Variants in SLC8A1 observed in about 807,000 individuals in gnomAD.
SLC8A1 encodes solute carrier family 8 member A1, also known as sodium/calcium exchanger 1.
A neutral mutation model predicts 68.3 loss-of-function variants in SLC8A1; 18 were observed. That is an observed-to-expected ratio of 0.26 (90% CI 0.18 to 0.39). The LOEUF (loss-of-function observed/expected upper bound fraction) is 0.39. SLC8A1 is among the 10% of genes least tolerant of loss of function. The probability of loss-of-function intolerance (pLI) is 1.00; values close to 1 mark genes in which losing one functional copy is unlikely to be tolerated. For synonymous variants in SLC8A1, 475 were observed against 415.5 expected (o/e 1.14, Z -1.74); for missense variants, 985 against 1,156.7 (o/e 0.85, Z 2.15).
At chr2:40,338,739 C>T (rs1008051355) in intron 2 of SLC8A1, among the ~76,000 whole-genome samples, 4 of 152,120 alleles carry the variant, frequency 2.6e-5, no homozygotes, top group African/African-American at 9.7e-5. Flanking sequence ...AATTATCTTC[C>T]ATAATTGGAT....
chr2:40,394,476 G>C (rs1165223394), intron 2 of SLC8A1, among the ~76,000 whole-genome samples: 1 of 151,834 alleles, frequency 6.6e-6, no homozygotes, highest in African/African-American at 2.4e-5. Flanking sequence ...TGGTGTGTGA[G>C]TGAATTTCTG....
chr2:40,144,405 C>T (rs942227215), intron 6 of SLC8A1, among the ~76,000 whole-genome samples: 2 of 152,102 alleles, frequency 1.3e-5, no homozygotes, highest in African/African-American at 4.8e-5. Flanking sequence ...TAATCTCACA[C>T]AGAATTTAAG....
intron 2 of SLC8A1, among the ~76,000 whole-genome samples, chr2:40,417,904 G>A (rs573905857): frequency 3.6e-4 from 37 of 103,058 alleles, no homozygotes; most frequent in East Asian, 2.6e-3. Flanking sequence ...CAAGGTAAAC[G>A]CACAGAGTCA....
chr2:40,410,995 G>C (rs1691962528), intron 2 of SLC8A1, among the ~76,000 whole-genome samples: 2 of 152,078 alleles, frequency 1.3e-5, no homozygotes, highest in East Asian at 3.9e-4. Context: ...ACAGCTGCAG[G>C]CTTGATAAAT....
At position 40,170,468 on chromosome 2, in the gene SLC8A1, G is replaced by A. The variant is rs2047279146; in HGVS notation, c.1930+4357C>T. 6.1e-6 allele frequency: 5 copies of A among 823,996 alleles called. No individual in the cohort carries two copies. The South Asian group carries it at 6.3e-5, about 10-fold the overall frequency. The allele number at this position is 823,996 out of a possible 1,614,324, so 51.0% of individuals were successfully genotyped here. A position where few individuals can be genotyped will look rare whatever the true frequency, so the allele number is the denominator to read the frequency against. ...GATGCACACATCACAAGCAACGTTAGTTTGGGGATTCAATGATCATAGGTC... is the reference window on the plus strand; with the variant it reads ...GATGCACACATCACAAGCAACGTTAATTTGGGGATTCAATGATCATAGGTC... On this transcript the variant is annotated intron_variant, in intron 4 of 7. Transcript: ENST00000406785.
intron 2 of SLC8A1, among the ~76,000 whole-genome samples, chr2:40,280,964 A>T (rs1410984415): frequency 1.3e-5 from 2 of 152,222 alleles, no homozygotes; most frequent in Non-Finnish European, 2.9e-5. Context: ...GAATAGAATG[A>T]ATTTTTATTG....
intron 1 of SLC8A1, among the ~76,000 whole-genome samples, chr2:40,481,215 G>A (rs1704607576): frequency 6.6e-6 from 1 of 152,104 alleles, no homozygotes; most frequent in African/African-American, 2.4e-5. Flanking sequence ...AGGGAGGAAT[G>A]GATATAAAAA....
At chr2:40,385,244 G>T (rs1396724508) in intron 2 of SLC8A1, among the ~76,000 whole-genome samples, 2 of 152,124 alleles carry the variant, frequency 1.3e-5, no homozygotes, top group African/African-American at 2.4e-5. Context: ...TCTCGAGGAG[G>T]AAACTCCTTT....
At chr2:40,257,557 C>G (rs566666409) in intron 2 of SLC8A1, among the ~76,000 whole-genome samples, 2 of 152,172 alleles carry the variant, frequency 1.3e-5, no homozygotes, top group East Asian at 1.9e-4. Flanking sequence ...GCCACTATAT[C>G]CAAGAGCGTA....
At chr2:40,267,657 T>G (rs889553251) in intron 2 of SLC8A1, among the ~76,000 whole-genome samples, 1 of 152,216 alleles carries the variant, frequency 6.6e-6, no homozygotes, top group East Asian at 1.9e-4. Context: ...AATTATAGAT[T>G]CTGTCATTTA....
chr2:40,266,838 CT>C (rs1559028599), intron 2 of SLC8A1, among the ~76,000 whole-genome samples: 1 of 152,168 alleles, frequency 6.6e-6, no homozygotes, highest in African/African-American at 2.4e-5. Context: ...AATTGGCACT[CT>C]GCTTCCACCC....
rs575705871 is a variant in SLC8A1, at chr2:40,218,630, G to A, written c.1809-40775C>T. Among the ~76,000 whole-genome samples the A allele has an allele frequency of 6.6e-5, 10 of 151,814 alleles. No homozygotes were observed. The East Asian group carries it at 1.7e-3, about 26-fold the overall frequency. On this transcript the variant is annotated intron_variant, in intron 2 of 7. Coordinates refer to ENST00000406785, the Ensembl canonical transcript of SLC8A1. ...ATAAAGCAAAGGGAAAAAAAAGGAG[G>A]CATATAGACCTTAGCTTATGTACTT...
At chr2:40,408,551 G>A (rs1167248129) in intron 2 of SLC8A1, among the ~76,000 whole-genome samples, 1 of 152,116 alleles carries the variant, frequency 6.6e-6, no homozygotes, top group African/African-American at 2.4e-5. Flanking sequence ...CTTGAATCTG[G>A]GTGAAGGGAG....
chr2:40,463,825 TACACACACACACATACACACACACAC>T (rs1703479371), intron 1 of SLC8A1, among the ~76,000 whole-genome samples: 1 of 108,278 alleles, frequency 9.2e-6, no homozygotes, highest in East Asian at 3.3e-4. Flanking sequence ...GATATATACA[TACACACACACACATACACACACACAC>T]ACACACACAC....
chr2:40,488,290 T>A (rs1209157733), intron 1 of SLC8A1, among the ~76,000 whole-genome samples: 1 of 151,716 alleles, frequency 6.6e-6, no homozygotes, highest in South Asian at 2.1e-4. Flanking sequence ...TCTCCCCTCC[T>A]GCTAGCTCAC....
At chr2:40,394,700 G>C (rs536157769) in intron 2 of SLC8A1, among the ~76,000 whole-genome samples, 1 of 152,038 alleles carries the variant, frequency 6.6e-6, no homozygotes, top group South Asian at 2.1e-4. Flanking sequence ...TAGAGTGCCT[G>C]TTGCCATAGT....
At chr2:40,246,372 A>AGAGTC (rs2148995762) in intron 2 of SLC8A1, among the ~76,000 whole-genome samples, 1 of 152,368 alleles carries the variant, frequency 6.6e-6, no homozygotes, top group South Asian at 2.1e-4. Context: ...ACTTTTGGCC[A>AGAGTC]GAGTCAAATA....
intron 2 of SLC8A1, among the ~76,000 whole-genome samples, chr2:40,381,623 C>A (rs921626942): frequency 6.6e-6 from 1 of 151,848 alleles, no homozygotes; most frequent in South Asian, 2.1e-4. Context: ...TGAAATGGAC[C>A]CAGCTGTCCT....
chr2:40,300,853 A>T (rs185861254), intron 2 of SLC8A1, among the ~76,000 whole-genome samples: 1 of 152,308 alleles, frequency 6.6e-6, no homozygotes, highest in Non-Finnish European at 1.5e-5. Context: ...AAAGTATTTA[A>T]CCAAATATGT....
Sources: gnomAD v4.1 joint callset for allele counts (sites outside exome capture counted in the v4.1 genomes callset) on GRCh38, gnomAD v4.1.1 for gene constraint, MANE v1.5 for transcripts, NCBI Gene and HGNC (gene_info 2026-07-23, HGNC 2026-07-21) for gene names.